The following SNRNP48 variants were observed in gnomAD, a reference collection of about 807,000 sequenced individuals.
SNRNP48 encodes the protein small nuclear ribonucleoprotein U11/U12 subunit 48.
In SNRNP48, 43 loss-of-function variants were observed where a neutral mutation model predicts 47.0. The observed-to-expected ratio is 0.92, with a 90% confidence interval of 0.72 to 1.18. The LOEUF (loss-of-function observed/expected upper bound fraction) is 1.18, where lower values mean the gene tolerates loss of function less well. Ranked by LOEUF, SNRNP48 falls within the 50% of genes most tolerant of loss-of-function variation. The probability of loss-of-function intolerance (pLI) is 0.00; values close to 1 mark genes in which losing one functional copy is unlikely to be tolerated. For synonymous variants in SNRNP48, 138 were observed against 144.0 expected, an observed-to-expected ratio of 0.96 and a Z score of 0.30; for missense variants, 396 against 422.2, an observed-to-expected ratio of 0.94 and a Z score of 0.54.
intron 4 of SNRNP48, chr6:7,599,816 G>A (rs914217922): frequency 8.4e-7 from 1 of 1,195,104 alleles, no homozygotes; most frequent in Admixed American, 3.1e-5. Flanking sequence ...TTATAGTCTT[G>A]AATTGGAATT....
rs1760216333 is a variant in SNRNP48 at position 7,610,615 on chromosome 6, A to G, written c.*1742A>G. 1 of 152,230 alleles carries G rather than the reference A, an allele frequency of 6.6e-6. No individual in the cohort carries two copies. The highest frequency in any genetic ancestry group is 1.5e-5 in the Non-Finnish European group (1 of 68,026). 9.4% of individuals were successfully genotyped at this position (152,230 alleles called of 1,614,324 possible). A position where few individuals can be genotyped will look rare whatever the true frequency, so the allele number is the denominator to read the frequency against. On this transcript the variant is annotated 3_prime_UTR_variant, in exon 9 of 9. Transcript: ENST00000342415. ...TTGGCATATTTAGGTTTTTTGTAGAAGAAAGATACAAGTGAAAATTAGGAG... is the reference window on the plus strand; with the variant it reads ...TTGGCATATTTAGGTTTTTTGTAGAGGAAAGATACAAGTGAAAATTAGGAG...
At chr6:7,602,821 T>G (rs1261927133) in intron 6 of SNRNP48, 77 bp downstream of exon 6, 1 of 1,387,250 alleles carries the variant, frequency 7.2e-7, no homozygotes, top group Non-Finnish European at 9.6e-7. Flanking sequence ...ATTTCCACAA[T>G]TCTTTGGAAA....
At chr6:7,592,602 T>C (rs1407004711) in intron 1 of SNRNP48, among the ~76,000 whole-genome samples, 2 of 152,118 alleles carry the variant, frequency 1.3e-5, no homozygotes, top group Non-Finnish European at 2.9e-5. Flanking sequence ...TTATTTTATA[T>C]AATAGAAAAT....
chr6:7,605,625 TGTCA>T, intron 7 of SNRNP48, 139 bp downstream of exon 7: 1 of 772,790 alleles, frequency 1.3e-6, no homozygotes. Flanking sequence ...TGTTTTTCGT[TGTCA>T]GTGCCCAGGG....
At chr6:7,604,116 C>T (rs1411054754) in intron 6 of SNRNP48, among the ~76,000 whole-genome samples, 1 of 152,132 alleles carries the variant, frequency 6.6e-6, no homozygotes, top group East Asian at 1.9e-4. Flanking sequence ...TGTGGTGGAG[C>T]CTGAGCTAGG....
In SNRNP48 at chr6:7,606,125, A is replaced by G. The variant is rs758520925; in HGVS notation, c.901A>G (p.Arg301Gly). ...TTCACGACATAGAAGGGATAGGAGT[A>G]GAAGCCCACATAAAAGAAAAAGAAA... ...ECSRHRRDRS[R>G]SPHKRKRNKD... The change falls in exon 8 of 9, where the codon AGA becomes GGA. Residue 301 changes from arginine (R) to glycine (G), a missense_variant. Arg to Gly is a moderately radical substitution (Grantham distance 125). Coordinates refer to ENST00000342415, the MANE Select transcript of SNRNP48 (RefSeq NM_152551.4). The G allele has an allele frequency of 6.2e-7, 1 of 1,613,886 alleles. No individual in the cohort carries two copies. Among genetic ancestry groups the G allele is most frequent in the Admixed American group, 1.7e-5 (1 of 59,948 alleles).
intron 8 of SNRNP48, 145 bp from the exon 9 acceptor site, chr6:7,608,673 ATGTAAAT>A (rs1366608957): frequency 2.6e-6 from 1 of 387,574 alleles, no homozygotes; most frequent in Admixed American, 4.7e-5. Flanking sequence ...CTTTGAGTAT[ATGTAAAT>A]GATAACCAGA....
chr6:7,607,881 G>A (rs1760161323), intron 8 of SNRNP48, among the ~76,000 whole-genome samples: 1 of 152,126 alleles, frequency 6.6e-6, no homozygotes, highest in South Asian at 2.1e-4. Context: ...AGTTAATTAG[G>A]TTTAAAGCTA....
chr6:7,606,549 ATTCT>A (rs1233519610), intron 8 of SNRNP48, among the ~76,000 whole-genome samples: 3 of 151,890 alleles, frequency 2.0e-5, no homozygotes, highest in Non-Finnish European at 4.4e-5. Context: ...TCTTTCTCTT[ATTCT>A]TTCTTTCTTT....
Position 7,590,237 on chromosome 6 carries a change from C to T in SNRNP48, c.-21C>T, listed in dbSNP as rs374224446. On this transcript the variant is annotated 5_prime_UTR_variant, in exon 1 of 9. Transcript: ENST00000342415. The stretch of plus-strand genomic sequence containing the variant: ...GCGGTCTGCAGTTCGGCCGCTTCCT[C>T]TTGGCGGGTGGGCTGCAGCTATGGA... The T allele has an allele frequency of 1.5e-5, 20 of 1,299,138 alleles. No individual in the cohort carries two copies. Among genetic ancestry groups the T allele is most frequent in the South Asian group, 5.7e-5 (2 of 34,802 alleles). 80.5% of individuals were successfully genotyped at this position (1,299,138 alleles called of 1,614,324 possible).
chr6:7,606,530 C>T (rs974707281), intron 8 of SNRNP48, among the ~76,000 whole-genome samples: 1 of 152,136 alleles, frequency 6.6e-6, no homozygotes, highest in Non-Finnish European at 1.5e-5. Flanking sequence ...CTGCTCATTC[C>T]TTCCTTCCTC....
chr6:7,605,541 T>G (rs1760110610), intron 7 of SNRNP48, 55 bp downstream of exon 7: 1 of 1,479,190 alleles, frequency 6.8e-7, no homozygotes, highest in African/African-American at 1.5e-5. Flanking sequence ...CAGATAACAA[T>G]TAACTTATAA....
At position 7,609,373 on chromosome 6, in the gene SNRNP48, G is replaced by T. The variant is rs1760190538; in HGVS notation, c.*500G>T. The T allele has an allele frequency of 6.6e-6, 1 of 152,180 alleles. No individual in the cohort carries two copies. The highest frequency in any genetic ancestry group is 1.5e-5 in the Non-Finnish European group (1 of 68,032). The allele number at this position is 152,180 out of a possible 1,614,324, so 9.4% of individuals were successfully genotyped here. Reference sequence around the variant, plus strand: ...AATGGCCTAATTAAAATATGATGTAGTCATAGGATAGATTATTGTATTGGA... The same window carrying T: ...AATGGCCTAATTAAAATATGATGTATTCATAGGATAGATTATTGTATTGGA... On this transcript the variant is annotated 3_prime_UTR_variant, in exon 9 of 9. Coordinates refer to ENST00000342415, the MANE Select transcript of SNRNP48 (RefSeq NM_152551.4).
chr6:7,592,776 G>T (rs1394000459), intron 1 of SNRNP48, among the ~76,000 whole-genome samples: 3 of 152,086 alleles, frequency 2.0e-5, no homozygotes, highest in African/African-American at 4.8e-5. Flanking sequence ...GTAGTCAGGA[G>T]ATGGTGTTGT....
In SNRNP48 at chr6:7,601,444, CAAAG is replaced by C. The variant is rs770288176; in HGVS notation, c.519_522del (p.Lys174SerfsTer16). ...CTCTATGATTTCGTAGTTGAGGAGACAAAGAAAAAGCGCTCTGATTCTCAAATTA... is the reference window on the plus strand; with the variant it reads ...CTCTATGATTTCGTAGTTGAGGAGACAAAAAGCGCTCTGATTCTCAAATTA... On this transcript the variant is annotated frameshift_variant, in exon 5 of 9. Coordinates refer to ENST00000342415, the MANE Select transcript of SNRNP48 (RefSeq NM_152551.4). LOFTEE classifies it high-confidence loss of function. The C allele has an allele frequency of 6.2e-7, 1 of 1,603,594 alleles. No individual in the cohort carries two copies.
At chr6:7,603,673 T>G (rs1760072844) in intron 6 of SNRNP48, among the ~76,000 whole-genome samples, 1 of 152,232 alleles carries the variant, frequency 6.6e-6, no homozygotes, top group Non-Finnish European at 1.5e-5. Flanking sequence ...GACTAATCTA[T>G]CACTAGTTTA....
chr6:7,607,973 T>A (rs1429027221), intron 8 of SNRNP48, among the ~76,000 whole-genome samples: 3 of 152,252 alleles, frequency 2.0e-5, no homozygotes, highest in Non-Finnish European at 4.4e-5. Context: ...TTATAATAAC[T>A]ATAGTGCTTC....
rs1539537 is a variant in SNRNP48 at position 7,609,283 on chromosome 6, T to C, written c.*410T>C. The C allele has an allele frequency of 0.71, 107,730 of 152,602 alleles. 38,666 individuals carry two copies. Among genetic ancestry groups the C allele is most frequent in the African/African-American group, 0.85 (35,209 of 41,500 alleles). The allele number at this position is 152,602 out of a possible 1,614,324, so 9.5% of individuals were successfully genotyped here. A position where few individuals can be genotyped will look rare whatever the true frequency, so the allele number is the denominator to read the frequency against. ...TGCGGTTCTGTCCTCACCCCAGTGG[T>C]GACTACTGTTTACCACTACACTGGT... On this transcript the variant is annotated 3_prime_UTR_variant, in exon 9 of 9. Coordinates refer to ENST00000342415, the MANE Select transcript of SNRNP48 (RefSeq NM_152551.4).
In SNRNP48 at chr6:7,600,008, C is replaced by T. The variant is rs995488535; in HGVS notation, c.407-1328C>T. 1.5e-5 allele frequency: 15 copies of T among 1,001,038 alleles called. No individual in the cohort carries two copies. The African/African-American group carries it at 2.1e-4, about 14-fold the overall frequency. The allele number at this position is 1,001,038 out of a possible 1,614,324, so 62.0% of individuals were successfully genotyped here. A position where few individuals can be genotyped will look rare whatever the true frequency, so the allele number is the denominator to read the frequency against. ...ATCATTATTTTCTAATCTGTGTTTTCCTCCCAAATTTTTATAGCCTAATTC... is the reference window on the plus strand; with the variant it reads ...ATCATTATTTTCTAATCTGTGTTTTTCTCCCAAATTTTTATAGCCTAATTC... On this transcript the variant is annotated intron_variant, in intron 4 of 8. Transcript: ENST00000342415.
Sources: allele counts gnomAD v4.1 joint callset (sites outside exome capture counted in the v4.1 genomes callset), GRCh38; gene constraint gnomAD v4.1.1; transcripts MANE v1.5; gene names NCBI Gene and HGNC (gene_info 2026-07-23, HGNC 2026-07-21).